ZNF800: variants seen among roughly 807,000 people sequenced by gnomAD.
ZNF800 encodes the protein zinc finger protein 800.
In ZNF800, 13 loss-of-function variants were observed where a neutral mutation model predicts 59.5. The observed-to-expected ratio is 0.22, with a 90% CI of 0.14 to 0.35. ZNF800 has a LOEUF of 0.35. Ranked by LOEUF, ZNF800 falls within the 10% of genes least tolerant of loss-of-function variation. The pLI is 1.00. For synonymous variants in ZNF800, 266 were observed against 265.7 expected, an observed-to-expected ratio of 1.00 and a Z score of -0.01; for missense variants, 621 against 783.7, an observed-to-expected ratio of 0.79 and a Z score of 2.48.
chr7:127,355,194 G>T (rs1203920329), intron 1 of ZNF800, among the ~76,000 whole-genome samples: 1 of 151,936 alleles, frequency 6.6e-6, no homozygotes, highest in Non-Finnish European at 1.5e-5. Flanking sequence ...TTTATAAACA[G>T]AAGATACTAA....
intron 5 of ZNF800, among the ~76,000 whole-genome samples, chr7:127,372,253 C>T (rs562971495): frequency 3.3e-5 from 5 of 151,964 alleles, no homozygotes; most frequent in East Asian, 3.9e-4. Context: ...CCGAGGTGGG[C>T]GGATCACCTG....
rs1801350665 is a variant in ZNF800 at position 127,392,166 on chromosome 7, G to A, written c.-165C>T. On this transcript the variant is annotated 5_prime_UTR_variant, in exon 1 of 6. Coordinates refer to ENST00000265827, the MANE Select transcript of ZNF800 (RefSeq NM_176814.5). ...GCGGCTGCGGGCCCCACCTGGCGCA[G>A]CCTCCGCTGACCACGCGGGGGAACC... The A allele has an allele frequency of 2.5e-6, 1 of 394,872 alleles. No individual in the cohort carries two copies. The highest frequency in any genetic ancestry group is 2.1e-5 in the African/African-American group (1 of 48,512). The allele number at this position is 394,872 out of a possible 1,614,324, so 24.5% of individuals were successfully genotyped here. A position where few individuals can be genotyped will look rare whatever the true frequency, so the allele number is the denominator to read the frequency against.
rs1442318859 is a variant in ZNF800 at position 127,384,235 on chromosome 7, T to TTTTTG, written c.157+1824_157+1825insCAAAA. 2.1e-5 allele frequency among the ~76,000 whole-genome samples: 2 copies of TTTTTG among 94,354 alleles called. 1 individual carries two copies. Among genetic ancestry groups the TTTTTG allele is most frequent in the Non-Finnish European group, 5.1e-5 (2 of 39,192 alleles). 61.9% of individuals were successfully genotyped at this position (94,354 alleles called of 152,430 possible). A position where few individuals can be genotyped will look rare whatever the true frequency, so the allele number is the denominator to read the frequency against. On this transcript the variant is annotated intron_variant, in intron 3 of 5. Transcript: ENST00000265827. ...TTAACTAATTCTAACTTCTTTTTTTTTTTTTTTTTTTTTTTTTAGACAGAG... is the reference window on the plus strand; with the variant it reads ...TTAACTAATTCTAACTTCTTTTTTTTTTTTGTTTTTTTTTTTTTTTTTAGACAGAG...
At position 127,373,942 on chromosome 7, in the gene ZNF800, G is replaced by A. The variant is rs763784140; in HGVS notation, c.1394C>T (p.Ala465Val). The part of the protein sequence containing the change: ...SESPKSTSPS[A>V]AGGQQKTRKP... The stretch of plus-strand genomic sequence containing the variant: ...TCTGGTTTTTTGCTGGCCACCTGCA[G>A]CCGACGGACTAGTTGATTTAGGGCT... Residue 465 changes from alanine to valine, a missense_variant, in exon 5 of 6, where the codon GCT becomes GTT. By Grantham distance (64) the Ala-to-Val change is moderately conservative. Transcript: ENST00000265827. 6.2e-7 allele frequency: 1 copy of A among 1,614,176 alleles called. No individual in the cohort carries two copies. The highest frequency in any genetic ancestry group is 8.5e-7 in the Non-Finnish European group (1 of 1,180,030).
In ZNF800 at chr7:127,372,668, C is replaced by G. The variant is rs1232640635; in HGVS notation, c.1994+674G>C. On this transcript the variant is annotated intron_variant, in intron 5 of 5. Transcript: ENST00000265827. The stretch of plus-strand genomic sequence containing the variant: ...CTAAATAAGCATTGTTTCCATAGAT[C>G]AAAACTAAAAAACAGTAACTAACAC... 3 of 984,602 alleles carry G rather than the reference C, an allele frequency of 3.0e-6. No individual in the cohort carries two copies. In the African/African-American group the frequency reaches 5.3e-5, roughly 17 times the overall value. The allele number at this position is 984,602 out of a possible 1,614,324, so 61.0% of individuals were successfully genotyped here. A position where few individuals can be genotyped will look rare whatever the true frequency, so the allele number is the denominator to read the frequency against.
chr7:127,369,453 C>T (rs749039967), downstream of ZNF800, among the ~76,000 whole-genome samples: 10 of 151,976 alleles, frequency 6.6e-5, no homozygotes, highest in Non-Finnish European at 1.3e-4. Flanking sequence ...TAAGCCTGAG[C>T]CCCTGAAGTG....
intron 4 of ZNF800, among the ~76,000 whole-genome samples, chr7:127,376,946 T>C (rs946878259): frequency 6.6e-6 from 1 of 151,978 alleles, no homozygotes; most frequent in Non-Finnish European, 1.5e-5. Context: ...TCTAACCTCT[T>C]ATATGTCATC....
chr7:127,385,980 T>A (rs917617977), intron 3 of ZNF800, 80 bp downstream of exon 3: 2 of 927,018 alleles, frequency 2.2e-6, no homozygotes, highest in African/African-American at 1.7e-5. Flanking sequence ...TAATGTTTTT[T>A]AAAAATTATT....
chr7:127,348,431 CA>C (rs72267169), intron 1 of ZNF800, among the ~76,000 whole-genome samples: 31,291 of 130,840 alleles, frequency 0.24, 3,680 homozygotes, highest in African/African-American at 0.41. Context: ...AAAAAAATGG[CA>C]AAAAAAAAAA....
Position 127,377,050 on chromosome 7 carries a change from C to A in ZNF800, c.301+136G>T. 1.3e-6 allele frequency: 1 copy of A among 744,890 alleles called. No individual in the cohort carries two copies. Among genetic ancestry groups the A allele is most frequent in the African/African-American group, 1.8e-5 (1 of 55,034 alleles). The allele number at this position is 744,890 out of a possible 1,614,324, so 46.1% of individuals were successfully genotyped here. On this transcript the variant is annotated intron_variant, in intron 4 of 5. Transcript: ENST00000265827. The surrounding 1 kb of genome is among the most constrained non-coding windows in gnomAD (Gnocchi z 4.7). ...AGTATTTAATTTTATTCTCCATCTCCATCTAAAAATTATCTGTAACTAGAC... is the reference window on the plus strand; with the variant it reads ...AGTATTTAATTTTATTCTCCATCTCAATCTAAAAATTATCTGTAACTAGAC...
downstream of ZNF800, among the ~76,000 whole-genome samples, chr7:127,346,091 T>G (rs1328682130): frequency 6.6e-6 from 1 of 152,136 alleles, no homozygotes; most frequent in Non-Finnish European, 1.5e-5. Context: ...CAGGAGGAGC[T>G]AATCTGTGAA....
Position 127,389,697 on chromosome 7 carries a change from G to A in ZNF800, c.61+1800C>T, listed in dbSNP as rs998170750. The stretch of plus-strand genomic sequence containing the variant: ...AGTTTGATTCAAGCTAACAAGGCAA[G>A]AAAACAGTAACTACTGTTGACGTGA... On this transcript the variant is annotated intron_variant, in intron 2 of 5. Coordinates refer to ENST00000265827, the MANE Select transcript of ZNF800 (RefSeq NM_176814.5). Among the ~76,000 whole-genome samples, 24 of 152,170 alleles carry A rather than the reference G, an allele frequency of 1.6e-4. 1 individual carries two copies. Among genetic ancestry groups the A allele is most frequent in the African/African-American group, 4.6e-4 (19 of 41,536 alleles).
Position 127,373,824 on chromosome 7 carries a change from G to A in ZNF800, c.1512C>T (p.His504=), listed in dbSNP as rs1800702768. The change falls in exon 5 of 6, where the codon CAC becomes CAT. Residue 504 remains histidine, a synonymous_variant. Transcript: ENST00000265827. ...QFTSKQNLTK[H]IELHTDGNNI... ...TATTTCCATCTGTGTGCAACTCGAT[G>A]TGTTTAGTCAAGTTCTGTTTGGAAG... 1 of 1,614,150 alleles carries A rather than the reference G, an allele frequency of 6.2e-7. No individual in the cohort carries two copies. Among genetic ancestry groups the A allele is most frequent in the Non-Finnish European group, 8.5e-7 (1 of 1,179,998 alleles).
At position 127,387,274 on chromosome 7, in the gene ZNF800, T is replaced by A. The variant is rs1185866286; in HGVS notation, c.62-1119A>T. ...CTGACCATTTTAATTATCTCTTTTT[T>A]AAATATGCCATAATGTTCTACTCAA... On this transcript the variant is annotated intron_variant, in intron 2 of 5. Transcript: ENST00000265827. Among the ~76,000 whole-genome samples the A allele has an allele frequency of 3.3e-5, 5 of 152,186 alleles. No individual in the cohort carries two copies. The East Asian group carries it at 7.7e-4, about 23-fold the overall frequency.
At chr7:127,349,498 G>T (rs1800132773) in intron 1 of ZNF800, among the ~76,000 whole-genome samples, 1 of 152,156 alleles carries the variant, frequency 6.6e-6, no homozygotes, top group Non-Finnish European at 1.5e-5. Context: ...TTGTCAGGCT[G>T]ATTTTATCTA....
intron 4 of ZNF800, among the ~76,000 whole-genome samples, chr7:127,375,718 C>A (rs997926735): frequency 3.9e-5 from 6 of 151,978 alleles, no homozygotes; most frequent in Non-Finnish European, 7.4e-5. Context: ...AATAATTACA[C>A]CCTTTACAGG....
At chr7:127,379,832 T>TCCC (rs1800903206) in intron 3 of ZNF800, among the ~76,000 whole-genome samples, 1 of 54,388 alleles carries the variant, frequency 1.8e-5, no homozygotes, top group African/African-American at 7.4e-5. Context: ...CCCTTACCCT[T>TCCC]GCCACCCCCC....
rs1365964915 is a variant in ZNF800, at chr7:127,374,533, T to C, written c.803A>G (p.Lys268Arg). ...EELKKYIETRKNPNQSSKGRS... is the reference protein window; with the variant it reads ...EELKKYIETRRNPNQSSKGRS... ...TCCTTTAGAGGATTGGTTTGGATTC[T>C]TTCGTGTTTCAATGTACTTTTTTAG... Residue 268 changes from lysine (K) to arginine (R), a missense_variant, in exon 5 of 6, where the codon AAG (lysine) becomes AGG (arginine). Lys to Arg is a conservative substitution (Grantham distance 26). This residue lies in a region of ZNF800 where 218 missense variants were observed against 230.8 expected (regional missense o/e 0.94). Coordinates refer to ENST00000265827, the MANE Select transcript of ZNF800 (RefSeq NM_176814.5). The C allele has an allele frequency of 1.2e-6, 2 of 1,614,060 alleles. No homozygotes were observed. Among genetic ancestry groups the C allele is most frequent in the African/African-American group, 1.3e-5 (1 of 74,938 alleles).
intron 2 of ZNF800, among the ~76,000 whole-genome samples, chr7:127,387,370 G>C (rs1801167958): frequency 6.6e-6 from 1 of 152,190 alleles, no homozygotes; most frequent in Admixed American, 6.5e-5. Flanking sequence ...AACAATGTGT[G>C]CTACTCTTGC....
Sources: allele counts gnomAD v4.1 joint callset (sites outside exome capture counted in the v4.1 genomes callset), GRCh38; gene constraint gnomAD v4.1.1; regional missense constraint gnomAD v4.1.1; non-coding constraint Gnocchi (gnomAD v3.1); transcripts MANE v1.5; gene names NCBI Gene and HGNC (gene_info 2026-07-23, HGNC 2026-07-21).